Variants in MYCBP2 observed in about 807,000 individuals in gnomAD.
MYCBP2 encodes E3 ubiquitin-protein ligase MYCBP2.
In MYCBP2, 120 loss-of-function variants were observed where a neutral mutation model predicts 525.3. That is an observed-to-expected ratio of 0.23 (90% CI 0.20 to 0.27). The LOEUF is 0.27. MYCBP2 is among the 10% of genes least tolerant of loss of function. The probability of loss-of-function intolerance (pLI) is 1.00; values close to 1 mark genes in which losing one functional copy is unlikely to be tolerated. For missense variants in MYCBP2, 4,149 were observed against 5,657.1 expected (o/e 0.73, Z 8.55); for synonymous variants, 1,894 against 1,955.8 (o/e 0.97, Z 0.83).
intron 15 of MYCBP2, among the ~76,000 whole-genome samples, chr13:77,244,835 A>G (rs936541485): frequency 3.9e-5 from 6 of 152,334 alleles, no homozygotes; most frequent in Non-Finnish European, 7.3e-5. Flanking sequence ...AAACAACCCC[A>G]TCAAAAAGTG....
At chr13:77,214,187 T>C (rs1406437113) in intron 21 of MYCBP2, among the ~76,000 whole-genome samples, 2 of 152,306 alleles carry the variant, frequency 1.3e-5, no homozygotes, top group Admixed American at 6.5e-5. Context: ...ACACATTCTG[T>C]TGGCAATTCT....
At chr13:77,179,812 C>A (rs569444834) in intron 34 of MYCBP2, among the ~76,000 whole-genome samples, 1 of 152,300 alleles carries the variant, frequency 6.6e-6, no homozygotes, top group South Asian at 2.1e-4. Context: ...TGTTACTCAT[C>A]TTCCAGCAGT....
At chr13:77,293,882 C>T (rs1285705130) in intron 2 of MYCBP2, among the ~76,000 whole-genome samples, 2 of 151,878 alleles carry the variant, frequency 1.3e-5, no homozygotes, top group African/African-American at 2.4e-5. Flanking sequence ...TTGATTTTAG[C>T]TCAGTGAGAT....
At chr13:77,282,489 T>C (rs1428866916) in intron 3 of MYCBP2, among the ~76,000 whole-genome samples, 1 of 151,998 alleles carries the variant, frequency 6.6e-6, no homozygotes, top group Non-Finnish European at 1.5e-5. Context: ...CTATGACTAC[T>C]ACCATCTTCT....
chr13:77,170,322 G>T (rs375856607), intron 38 of MYCBP2, among the ~76,000 whole-genome samples: 82 of 152,168 alleles, frequency 5.4e-4, no homozygotes, highest in African/African-American at 1.8e-3. Context: ...CCATGAACAT[G>T]GTGCTGGAAA....
At chr13:77,259,044 C>A (rs1354358307) in intron 13 of MYCBP2, among the ~76,000 whole-genome samples, 1 of 152,112 alleles carries the variant, frequency 6.6e-6, no homozygotes, top group Non-Finnish European at 1.5e-5. Context: ...CACTTGAGGT[C>A]AGGAGTTCGA....
At chr13:77,155,396 G>A (rs951488843) in intron 46 of MYCBP2, among the ~76,000 whole-genome samples, 35 of 152,084 alleles carry the variant, frequency 2.3e-4, no homozygotes, top group African/African-American at 8.2e-4. Flanking sequence ...TTTGAAGGAG[G>A]AAAGGGCTGG....
At chr13:77,087,666 T>C (rs1488012105) in intron 61 of MYCBP2, 33 bp from the exon 62 acceptor site, 1 of 1,586,104 alleles carries the variant, frequency 6.3e-7, no homozygotes, top group East Asian at 2.3e-5. Context: ...AGTTCAAGAA[T>C]AAAATACATG....
At chr13:77,231,131 C>A (rs375723459) in intron 18 of MYCBP2, among the ~76,000 whole-genome samples, 1 of 152,160 alleles carries the variant, frequency 6.6e-6, no homozygotes, top group Non-Finnish European at 1.5e-5. Context: ...AAAGATAAAA[C>A]TATCTCACTC....
At chr13:77,179,569 T>C (rs999684095) in intron 34 of MYCBP2, among the ~76,000 whole-genome samples, 3 of 152,248 alleles carry the variant, frequency 2.0e-5, no homozygotes, top group Admixed American at 6.5e-5. Context: ...ACAAAGTGAA[T>C]GCATTTAATG....
intron 38 of MYCBP2, 88 bp from the exon 39 acceptor site, chr13:77,169,802 C>A: frequency 8.9e-7 from 1 of 1,127,496 alleles, no homozygotes; most frequent in Non-Finnish European, 1.3e-6. Context: ...CTATATTCTG[C>A]TCTTTTGAGC....
chr13:77,150,759 C>T lies in MYCBP2; in HGVS notation c.7106G>A (p.Arg2369Gln), dbSNP rs183928249. 7.4e-6 allele frequency: 12 copies of T among 1,613,950 alleles called. No individual in the cohort carries two copies. In the Admixed American group the frequency reaches 8.3e-5, roughly 11 times the overall value. Residue 2369 changes from arginine to glutamine, a missense_variant, in exon 47 of 83, where the codon CGA becomes CAA. By Grantham distance (43) the Arg-to-Gln change is conservative. Transcript: ENST00000544440. ...CTTCATCATTGTTATGGCAATATAT[C>T]GAGCTTCCTTCACTATCATTGGTTC... The part of the protein sequence containing the change: ...SYEPMIVKEA[R>Q]YIAITMMKVY...
rs2055181095 is a variant in MYCBP2, at chr13:77,144,379, A to C, written c.7303+66T>G. On this transcript the variant is annotated intron_variant, in intron 49 of 82. Transcript: ENST00000544440. ...GTGCAAGTTAATGGGCAAAACTAGA[A>C]GATAAAAATAATTTTGACTCTAGTT... 1.1e-5 allele frequency: 12 copies of C among 1,129,480 alleles called. No homozygotes were observed. In the South Asian group the frequency reaches 1.5e-4, roughly 14 times the overall value. 70.0% of individuals were successfully genotyped at this position (1,129,480 alleles called of 1,614,324 possible). A position where few individuals can be genotyped will look rare whatever the true frequency, so the allele number is the denominator to read the frequency against.
chr13:77,166,810 T>C (rs2058571568), intron 40 of MYCBP2, among the ~76,000 whole-genome samples: 1 of 152,078 alleles, frequency 6.6e-6, no homozygotes, highest in African/African-American at 2.4e-5. Context: ...TAAAACAAAA[T>C]CCAAATTTAA....
intron 3 of MYCBP2, among the ~76,000 whole-genome samples, chr13:77,284,968 C>T (rs2076585161): frequency 6.6e-6 from 1 of 152,138 alleles, no homozygotes; most frequent in African/African-American, 2.4e-5. Context: ...CCATGCTAAC[C>T]CTGTTTGCAG....
At chr13:77,131,310 A>G (rs1016447664) in intron 52 of MYCBP2, among the ~76,000 whole-genome samples, 1 of 152,102 alleles carries the variant, frequency 6.6e-6, no homozygotes, top group Non-Finnish European at 1.5e-5. Context: ...TGAATCCAGG[A>G]GTTCGAGACC....
At position 77,067,879 on chromosome 13, in the gene MYCBP2, A is replaced by G. The variant is rs1457788788; in HGVS notation, c.12172-15T>C. On this transcript the variant is annotated splice_polypyrimidine_tract_variant and intron_variant, in intron 70 of 82. Coordinates refer to ENST00000544440, the MANE Select transcript of MYCBP2 (RefSeq NM_015057.5). The stretch of plus-strand genomic sequence containing the variant: ...AAAGAGGTTACCTGGTAAGAAAAAT[A>G]AAATGAGAGAATTCCATGTAAAGAC... 1 of 1,593,606 alleles carries G rather than the reference A, an allele frequency of 6.3e-7. No individual in the cohort carries two copies. The highest frequency in any genetic ancestry group is 8.5e-7 in the Non-Finnish European group (1 of 1,169,860).
At chr13:77,150,587 TC>T in intron 47 of MYCBP2, 146 bp downstream of exon 47, 1 of 663,350 alleles carries the variant, frequency 1.5e-6, no homozygotes, top group Non-Finnish European at 2.6e-6. Context: ...CAGGATAACA[TC>T]ATCTTAATAA....
chr13:77,218,766 T>G (rs937506319), intron 20 of MYCBP2, among the ~76,000 whole-genome samples: 1 of 152,202 alleles, frequency 6.6e-6, no homozygotes, highest in African/African-American at 2.4e-5. Flanking sequence ...TAACAGCCAT[T>G]TTTAGTAACC....
Sources: gnomAD v4.1 joint callset for allele counts (sites outside exome capture counted in the v4.1 genomes callset) on GRCh38, gnomAD v4.1.1 for gene constraint, MANE v1.5 for transcripts, NCBI Gene and HGNC (gene_info 2026-07-23, HGNC 2026-07-21) for gene names.